Variants in GYPB observed in about 807,000 individuals in gnomAD.
GYPB encodes glycophorin-B.
Under a neutral mutation model 15.3 loss-of-function variants are expected in GYPB, and 13 were observed. That is an observed-to-expected ratio of 0.85 (90% CI 0.55 to 1.35). The LOEUF (loss-of-function observed/expected upper bound fraction) is 1.35, where lower values mean the gene tolerates loss of function less well. Ranked by LOEUF, GYPB falls within the 40% of genes most tolerant of loss-of-function variation. GYPB has a pLI of 0.00. For missense variants in GYPB, 131 were observed against 108.3 expected (o/e 1.21, Z -0.93); for synonymous variants, 38 against 36.9 (o/e 1.03, Z -0.11).
intron 1 of GYPB, among the ~76,000 whole-genome samples, chr4:144,014,997 A>C (rs1446301573): frequency 1.3e-5 from 2 of 151,454 alleles, no homozygotes; most frequent in Non-Finnish European, 2.9e-5. Context: ...GAAAGATGAC[A>C]TCATTTTTCC....
chr4:144,004,254 T>G (rs1360497704), intron 1 of GYPB, among the ~76,000 whole-genome samples: 1 of 151,996 alleles, frequency 6.6e-6, no homozygotes, highest in Non-Finnish European at 1.5e-5. Flanking sequence ...GTTTTTTATA[T>G]CATTTCCTCA....
At position 144,011,252 on chromosome 4, in the gene GYPB, C is replaced by T. The variant is rs569576534; in HGVS notation, c.37+7999G>A. Among the ~76,000 whole-genome samples the T allele has an allele frequency of 3.2e-3, 486 of 151,086 alleles. 32 individuals are homozygous for T. The highest frequency in any genetic ancestry group is 9.2e-3 in the African/African-American group (372 of 40,552). ...AAAATTAACTGGGCGTGGTGGTGTG[C>T]GCCTGTATTGTCAGCTACTTGGGAG... is the stretch of plus-strand genomic sequence containing the variant. On this transcript the variant is annotated intron_variant, in intron 1 of 4. Coordinates refer to ENST00000502664, the MANE Select transcript of GYPB (RefSeq NM_002100.6).
chr4:144,008,769 A>G (rs1240170259), intron 1 of GYPB, among the ~76,000 whole-genome samples: 2 of 151,492 alleles, frequency 1.3e-5, no homozygotes, highest in East Asian at 3.9e-4. Flanking sequence ...CACTGGTTGA[A>G]CAATACAAAA....
In GYPB at chr4:144,014,693, A is replaced by C. The variant is rs116242201; in HGVS notation, c.37+4558T>G. Among the ~76,000 whole-genome samples the C allele has an allele frequency of 4.4e-3, 669 of 151,550 alleles. 48 individuals are homozygous for C. The highest frequency in any genetic ancestry group is 0.016 in the African/African-American group (642 of 40,836). On this transcript the variant is annotated intron_variant, in intron 1 of 4. Transcript: ENST00000502664. ...GGAGTGATGAAAATGTTCTGGAACT[A>C]GATAATGGTGATGGGTGTGCATCAT...
intron 4 of GYPB, among the ~76,000 whole-genome samples, chr4:143,997,159 G>C (rs1727366321): frequency 1.3e-5 from 2 of 151,034 alleles, no homozygotes; most frequent in Middle Eastern, 6.8e-3. Context: ...CTCCTGCCTT[G>C]GCCTCCTCCA....
At chr4:144,008,406 G>A in intron 1 of GYPB, 1 of 455,322 alleles carries the variant, frequency 2.2e-6, no homozygotes, top group Non-Finnish European at 4.4e-6. Flanking sequence ...TTTATAGCCT[G>A]AGGGTAGGAG....
intron 1 of GYPB, among the ~76,000 whole-genome samples, chr4:144,014,051 A>G (rs946814933): frequency 3.3e-5 from 5 of 151,598 alleles, no homozygotes; most frequent in Non-Finnish European, 7.3e-5. Flanking sequence ...CACAGTGAAA[A>G]ACCACTTCAT....
Position 143,999,467 on chromosome 4 carries a change from A to T in GYPB, c.137-18T>A. 7.2e-7 allele frequency: 1 copy of T among 1,388,946 alleles called. No homozygotes were observed. Among genetic ancestry groups the T allele is most frequent in the Non-Finnish European group, 1.0e-6 (1 of 980,556 alleles). The allele number at this position is 1,388,946 out of a possible 1,614,324, so 86.0% of individuals were successfully genotyped here. On this transcript the variant is annotated intron_variant, in intron 2 of 4. Transcript: ENST00000502664. ...CGTTTCTCCTATAAAGCAAAATTTC[A>T]ATGTAAGTCCAAATAAGAAAGACAT...
At chr4:144,013,690 A>G (rs1195770156) in intron 1 of GYPB, among the ~76,000 whole-genome samples, 10 of 136,096 alleles carry the variant, frequency 7.3e-5, no homozygotes, top group South Asian at 2.3e-4. Flanking sequence ...GACACCGCAT[A>G]TTCTCACTCA....
At chr4:144,008,328 C>G in intron 1 of GYPB, 2 of 450,132 alleles carry the variant, frequency 4.4e-6, no homozygotes, top group South Asian at 3.1e-5. Flanking sequence ...GCAACCAACT[C>G]TCAAGCAAGC....
intron 1 of GYPB, among the ~76,000 whole-genome samples, chr4:144,009,299 C>A (rs528027250): frequency 1.3e-5 from 2 of 151,398 alleles, no homozygotes; most frequent in African/African-American, 4.9e-5. Context: ...AATCTTTAGT[C>A]TAAAACTTAA....
intron 1 of GYPB, among the ~76,000 whole-genome samples, chr4:144,007,722 T>G (rs943068859): frequency 1.3e-5 from 2 of 151,608 alleles, no homozygotes; most frequent in African/African-American, 4.9e-5. Context: ...TGTGAAAGTC[T>G]CTGAAATTAT....
chr4:144,005,542 A>G (rs1291198871), intron 1 of GYPB, among the ~76,000 whole-genome samples: 2 of 151,748 alleles, frequency 1.3e-5, no homozygotes, highest in Admixed American at 6.5e-5. Flanking sequence ...CAGTGTCCTT[A>G]TACCATAGCC....
At chr4:143,997,007 A>G (rs1273053886) in intron 4 of GYPB, among the ~76,000 whole-genome samples, 1 of 150,860 alleles carries the variant, frequency 6.6e-6, no homozygotes, top group Non-Finnish European at 1.5e-5. Flanking sequence ...CCGAGGCTCA[A>G]GCAATCCTCC....
In GYPB at chr4:144,003,289, T is replaced by A. The variant is rs140610471; in HGVS notation, c.38-2006A>T. On this transcript the variant is annotated intron_variant, in intron 1 of 4. Transcript: ENST00000502664. ...AAATCACTGTCAGTAGTATGGAGGA[T>A]AACTTAGGGGAAAAAAAACATGCGG... 3.3e-3 allele frequency among the ~76,000 whole-genome samples: 502 copies of A among 151,324 alleles called. 40 individuals are homozygous for A. The highest frequency in any genetic ancestry group is 0.012 in the African/African-American group (477 of 40,648).
intron 1 of GYPB, 73 bp downstream of exon 1, chr4:144,019,178 T>A (rs1728656962): frequency 6.2e-7 from 1 of 1,605,970 alleles, no homozygotes; most frequent in African/African-American, 1.4e-5. Flanking sequence ...AGAACTGAAA[T>A]AGGGTAGTTC....
At chr4:144,010,800 T>A (rs1485114522) in intron 1 of GYPB, among the ~76,000 whole-genome samples, 1 of 151,364 alleles carries the variant, frequency 6.6e-6, no homozygotes, top group Non-Finnish European at 1.5e-5. Context: ...TAAGACTTTC[T>A]ATGTGTGCTG....
At chr4:144,001,037 G>A (rs1314082606) in intron 2 of GYPB, 148 bp downstream of exon 2, 63 of 1,394,806 alleles carry the variant, frequency 4.5e-5, no homozygotes, top group Non-Finnish European at 6.1e-5. Flanking sequence ...TCTGTAGTAA[G>A]AATTGTGTCT....
At chr4:144,016,383 C>G (rs1174315177) in intron 1 of GYPB, among the ~76,000 whole-genome samples, 2 of 149,604 alleles carry the variant, frequency 1.3e-5, no homozygotes, top group Admixed American at 1.3e-4. Flanking sequence ...CTCTCTCTCT[C>G]CCTCCTCTCT....
Sources: allele counts gnomAD v4.1 joint callset (sites outside exome capture counted in the v4.1 genomes callset), GRCh38; gene constraint gnomAD v4.1.1; transcripts MANE v1.5; gene names NCBI Gene and HGNC (gene_info 2026-07-23, HGNC 2026-07-21).